The following TEAD2 variants were observed in gnomAD, a reference collection of about 807,000 sequenced individuals.
TEAD2 encodes transcriptional enhancer factor TEF-4.
Under a neutral mutation model 61.4 loss-of-function variants are expected in TEAD2, and 51 were observed. The observed-to-expected ratio is 0.83, with a 90% CI of 0.66 to 1.05. The LOEUF (loss-of-function observed/expected upper bound fraction) is 1.05, where lower values mean the gene tolerates loss of function less well. Ranked by LOEUF, TEAD2 falls within the 50% of genes least tolerant of loss-of-function variation. The pLI is 0.00. For synonymous variants in TEAD2, 244 were observed against 243.2 expected (o/e 1.00, Z -0.03); for missense variants, 509 against 600.0 (o/e 0.85, Z 1.58).
At chr19:49,346,325 G>A (rs1026529036) in intron 10 of TEAD2, among the ~76,000 whole-genome samples, 83 of 152,004 alleles carry the variant, frequency 5.5e-4, no homozygotes, top group African/African-American at 1.9e-3. Context: ...GACACCAGGC[G>A]TCTATATAGG....
In TEAD2 at chr19:49,360,095, G is replaced by T; in HGVS notation, c.-6-14C>A. On this transcript the variant is annotated splice_polypyrimidine_tract_variant and intron_variant, in intron 1 of 12. Coordinates refer to ENST00000593945, the MANE Select transcript of TEAD2 (RefSeq NM_001256660.2). ...CCCCATCTGGGCCTGGAGGAACACA[G>T]AACTCAGCAAGCTTCCCCCAAACCC... 1 of 1,593,836 alleles carries T rather than the reference G, an allele frequency of 6.3e-7. No individual in the cohort carries two copies. Among genetic ancestry groups the T allele is most frequent in the Non-Finnish European group, 8.5e-7 (1 of 1,172,744 alleles).
At chr19:49,348,990 T>A in intron 8 of TEAD2, 145 bp from the exon 9 acceptor site, 2 of 1,077,170 alleles carry the variant, frequency 1.9e-6, no homozygotes, top group South Asian at 1.8e-5. Flanking sequence ...GAAGTGGCCA[T>A]GTGACACAGT....
In TEAD2 at chr19:49,341,294, T is replaced by TG; in HGVS notation, c.*29dup. On this transcript the variant is annotated 3_prime_UTR_variant, in exon 13 of 13. Transcript: ENST00000593945. The surrounding 1 kb of genome is among the most constrained non-coding windows in gnomAD (Gnocchi z 4.2). Reference sequence around the variant, plus strand: ...GACCCTCCCTGGGAGGAGGGTGTTCTGGGGGGTGAGCCAGTTTTGGGGTCC... The same window carrying TG: ...GACCCTCCCTGGGAGGAGGGTGTTCTGGGGGGGTGAGCCAGTTTTGGGGTCC... 2 of 1,589,572 alleles carry TG rather than the reference T, an allele frequency of 1.3e-6. No homozygotes were observed. Among genetic ancestry groups the TG allele is most frequent in the Non-Finnish European group, 1.7e-6 (2 of 1,158,364 alleles).
At chr19:49,351,395 C>T in intron 7 of TEAD2, 30 bp from the exon 8 acceptor site, 1 of 1,590,600 alleles carries the variant, frequency 6.3e-7, no homozygotes. Flanking sequence ...AGGGGTTAGC[C>T]AGGTAGAAAG....
chr19:49,341,527 G>T lies in TEAD2; in HGVS notation c.1243-90C>A. On this transcript the variant is annotated intron_variant, in intron 12 of 12. Transcript: ENST00000593945. This position sits in a 1 kb window ranked among gnomAD's most constrained non-coding sequence, Gnocchi z 4.2. ...CTGCCAAGCTATCATGGAATACCCA[G>T]CAGGCTCTTTTCCATCTCCAGGAAA... is the stretch of plus-strand genomic sequence containing the variant. The T allele has an allele frequency of 1.9e-6, 2 of 1,032,686 alleles. No individual in the cohort carries two copies. The highest frequency in any genetic ancestry group is 1.5e-6 in the Non-Finnish European group (1 of 680,000). 64.0% of individuals were successfully genotyped at this position (1,032,686 alleles called of 1,614,324 possible).
Position 49,359,512 on chromosome 19 carries a change from A to C in TEAD2, c.233-13T>G. On this transcript the variant is annotated splice_polypyrimidine_tract_variant and intron_variant, in intron 2 of 12. Transcript: ENST00000593945. The surrounding 1 kb of genome is among the most constrained non-coding windows in gnomAD (Gnocchi z 4.1). ...AGTTCATTCCGACCTGAAGATTCAA[A>C]GACGGAACAGAGTTAGTTAGACTTT... 1 of 1,613,912 alleles carries C rather than the reference A, an allele frequency of 6.2e-7. No individual in the cohort carries two copies. Among genetic ancestry groups the C allele is most frequent in the Non-Finnish European group, 8.5e-7 (1 of 1,179,914 alleles).
intron 10 of TEAD2, among the ~76,000 whole-genome samples, chr19:49,345,506 C>A (rs1402677774): frequency 6.6e-6 from 1 of 152,066 alleles, no homozygotes; most frequent in Non-Finnish European, 1.5e-5. Flanking sequence ...GTGCGCACCA[C>A]CACACCCAGC....
chr19:49,341,474 A>G lies in TEAD2; in HGVS notation c.1243-37T>C. On this transcript the variant is annotated intron_variant, in intron 12 of 12. Coordinates refer to ENST00000593945, the MANE Select transcript of TEAD2 (RefSeq NM_001256660.2). The surrounding 1 kb of genome is among the most constrained non-coding windows in gnomAD (Gnocchi z 4.2). ...GCCAGGACAAGGGACTTATGCTTAG[A>G]AGGGAGGGCAGGGACCCCTGTGCCC... 1 of 1,575,138 alleles carries G rather than the reference A, an allele frequency of 6.3e-7. No individual in the cohort carries two copies. Among genetic ancestry groups the G allele is most frequent in the South Asian group, 1.1e-5 (1 of 90,148 alleles).
At chr19:49,356,092 G>A in intron 4 of TEAD2, 122 bp from the exon 5 acceptor site, 1 of 755,670 alleles carries the variant, frequency 1.3e-6, no homozygotes, top group Non-Finnish European at 1.8e-6. Flanking sequence ...CCTGAGCTGA[G>A]CAGTGCCAAG....
At chr19:49,358,413 C>CA (rs1555785576) in intron 3 of TEAD2, among the ~76,000 whole-genome samples, 2 of 151,916 alleles carry the variant, frequency 1.3e-5, no homozygotes, top group Non-Finnish European at 2.9e-5. Flanking sequence ...ACTTTTCTCT[C>CA]AAAAACAACA....
chr19:49,340,722 T>C lies in TEAD2; in HGVS notation c.*602A>G. The C allele has an allele frequency of 2.8e-6, 1 of 357,084 alleles. No individual in the cohort carries two copies. The highest frequency in any genetic ancestry group is 5.3e-6 in the Non-Finnish European group (1 of 188,600). The allele number at this position is 357,084 out of a possible 1,614,324, so 22.1% of individuals were successfully genotyped here. A position where few individuals can be genotyped will look rare whatever the true frequency, so the allele number is the denominator to read the frequency against. On this transcript the variant is annotated 3_prime_UTR_variant, in exon 13 of 13. Transcript: ENST00000593945. Reference sequence around the variant, plus strand: ...GAGATTAGAAAGTTCAACACACTGCTTGTGCAGCGGAGATAAAGTCAAGAC... The same window carrying C: ...GAGATTAGAAAGTTCAACACACTGCCTGTGCAGCGGAGATAAAGTCAAGAC...
chr19:49,340,802 G>A lies in TEAD2; in HGVS notation c.*522C>T. ...TATTAAAAAAAAAAAAAATGTCCAG[G>A]GCCCACCTGGCTCTGCTCCTGCACA... On this transcript the variant is annotated 3_prime_UTR_variant, in exon 13 of 13. Coordinates refer to ENST00000593945, the MANE Select transcript of TEAD2 (RefSeq NM_001256660.2). 4.7e-6 allele frequency: 1 copy of A among 211,562 alleles called. No homozygotes were observed. The allele number at this position is 211,562 out of a possible 1,614,324, so 13.1% of individuals were successfully genotyped here.
chr19:49,361,895 C>G (rs573924713), intron 1 of TEAD2: 1 of 152,674 alleles, frequency 6.5e-6, no homozygotes. Flanking sequence ...GACAAAGGGA[C>G]GGTGGAGCCG....
At chr19:49,361,059 CAGAGACCCAGAGAGAGGGA>C (rs1972859511) in intron 1 of TEAD2, among the ~76,000 whole-genome samples, 1 of 95,868 alleles carries the variant, frequency 1.0e-5, no homozygotes, top group Admixed American at 1.5e-4. Context: ...GAGAGGGGGA[CAGAGACCCAGAGAGAGGGA>C]CAGAGACCCA....
At chr19:49,353,501 G>T (rs1356289971) in intron 7 of TEAD2, among the ~76,000 whole-genome samples, 1 of 152,152 alleles carries the variant, frequency 6.6e-6, no homozygotes, top group Non-Finnish European at 1.5e-5. Flanking sequence ...ACCTGCTGTG[G>T]TTCTTCACAG....
chr19:49,354,296 G>A (rs1972229499), intron 7 of TEAD2, among the ~76,000 whole-genome samples: 4 of 151,698 alleles, frequency 2.6e-5, no homozygotes, highest in Admixed American at 2.0e-4. Context: ...TTGAGCCCAG[G>A]AGTTCAAGAC....
In TEAD2 at chr19:49,359,753, T is replaced by C; in HGVS notation, c.232+91A>G. On this transcript the variant is annotated intron_variant, in intron 2 of 12. Coordinates refer to ENST00000593945, the MANE Select transcript of TEAD2 (RefSeq NM_001256660.2). This position sits in a 1 kb window ranked among gnomAD's most constrained non-coding sequence, Gnocchi z 4.1. ...GTTTCCTCATCTGTGCAAATGGTGA[T>C]GCTAGCTCCTACTTCAGAGTGCTCC... is the stretch of plus-strand genomic sequence containing the variant. 1 of 1,335,082 alleles carries C rather than the reference T, an allele frequency of 7.5e-7. No homozygotes were observed. Among genetic ancestry groups the C allele is most frequent in the South Asian group, 1.3e-5 (1 of 78,256 alleles). The allele number at this position is 1,335,082 out of a possible 1,614,324, so 82.7% of individuals were successfully genotyped here.
chr19:49,343,893 C>T (rs2146305589), intron 10 of TEAD2, among the ~76,000 whole-genome samples: 1 of 147,298 alleles, frequency 6.8e-6, no homozygotes, highest in Non-Finnish European at 1.5e-5. Flanking sequence ...GTCACCCAGG[C>T]AATGTGTGGT....
chr19:49,357,561 C>T (rs1972491410), intron 3 of TEAD2: 1 of 577,090 alleles, frequency 1.7e-6, no homozygotes, highest in Non-Finnish European at 3.1e-6. Flanking sequence ...CTCTCTGTGG[C>T]TACTCTGGGT....
Sources: allele counts gnomAD v4.1 joint callset (sites outside exome capture counted in the v4.1 genomes callset), GRCh38; gene constraint gnomAD v4.1.1; non-coding constraint Gnocchi (gnomAD v3.1); transcripts MANE v1.5; gene names NCBI Gene and HGNC (gene_info 2026-07-23, HGNC 2026-07-21).